RP2: variants seen among roughly 807,000 people sequenced by gnomAD.
RP2 encodes the protein RP2 activator of ARL3 GTPase.
A neutral mutation model predicts 20.3 loss-of-function variants in RP2; 3 were observed. The observed-to-expected ratio is 0.15, with a 90% confidence interval of 0.07 to 0.38. The LOEUF (loss-of-function observed/expected upper bound fraction) is 0.38, where lower values mean the gene tolerates loss of function less well. Ranked by LOEUF, RP2 falls within the 10% of genes least tolerant of loss-of-function variation. The pLI is 1.00. For synonymous variants in RP2, 75 were observed against 94.8 expected (o/e 0.79, Z 1.22); for missense variants, 233 against 268.5 (o/e 0.87, Z 0.92).
intron 3 of RP2, among the ~76,000 whole-genome samples, chrX:46,870,614 C>A (rs1412995449): frequency 2.7e-5 from 3 of 111,741 alleles, no homozygotes; most frequent in Non-Finnish European, 5.6e-5. Context: ...AAAAATACGG[C>A]ACTACCTAGA....
chrX:46,841,230 CAGTT>C (rs1320980554), intron 1 of RP2, among the ~76,000 whole-genome samples: 1 of 111,181 alleles, frequency 9.0e-6, no homozygotes, highest in Non-Finnish European at 1.9e-5. Context: ...AATTGTCAGA[CAGTT>C]AGGGTGGTAA....
chrX:46,840,080 C>T (rs1368574374), intron 1 of RP2, among the ~76,000 whole-genome samples: 6 of 112,063 alleles, frequency 5.4e-5, no homozygotes, highest in African/African-American at 1.3e-4. Context: ...TGGGTTCAAG[C>T]GATTCTCCAG....
chrX:46,837,332 G>A, intron 1 of RP2, 130 bp downstream of exon 1: 3 of 717,484 alleles, frequency 4.2e-6, no homozygotes, highest in Admixed American at 5.3e-5. Context: ...AGCTGAAGTC[G>A]GGGTGCACGA....
At chrX:46,845,477 T>C (rs1376827067) in intron 1 of RP2, among the ~76,000 whole-genome samples, 1 of 111,882 alleles carries the variant, frequency 8.9e-6, no homozygotes, top group African/African-American at 3.2e-5. Flanking sequence ...AATTTACCCT[T>C]GTTAAGTGTA....
At chrX:46,847,746 GTGTGTGTGTATATACACACA>G (rs1569531374) in intron 1 of RP2, among the ~76,000 whole-genome samples, 3 of 79,237 alleles carry the variant, frequency 3.8e-5, no homozygotes, top group Non-Finnish European at 6.8e-5. Context: ...ACACACATAT[GTGTGTGTGTATATACACACA>G]TGTGTGTGTG....
At chrX:46,865,044 AG>A (rs1443612658) in intron 3 of RP2, among the ~76,000 whole-genome samples, 1 of 112,505 alleles carries the variant, frequency 8.9e-6, no homozygotes, top group Non-Finnish European at 1.9e-5. Flanking sequence ...TTGCAAAGAT[AG>A]TACAGAAAGT....
At chrX:46,855,428 A>G (rs1924938791) in intron 2 of RP2, among the ~76,000 whole-genome samples, 1 of 111,065 alleles carries the variant, frequency 9.0e-6, no homozygotes, top group Non-Finnish European at 1.9e-5. Context: ...TTTAAAAACC[A>G]AACTTAAAGA....
chrX:46,875,600 T>G (rs782583566), intron 3 of RP2, among the ~76,000 whole-genome samples: 105 of 111,451 alleles, frequency 9.4e-4, no homozygotes, highest in Non-Finnish European at 1.7e-3. Context: ...CATGACTTTT[T>G]ATATATTAAT....
At chrX:46,841,944 T>C (rs907402095) in intron 1 of RP2, among the ~76,000 whole-genome samples, 11 of 112,132 alleles carry the variant, frequency 9.8e-5, no homozygotes, top group Non-Finnish European at 1.7e-4. Flanking sequence ...TGAGATGGAG[T>C]CTCACTCTGT....
chrX:46,844,293 A>G (rs1294589896), intron 1 of RP2, among the ~76,000 whole-genome samples: 2 of 109,333 alleles, frequency 1.8e-5, no homozygotes, highest in Admixed American at 9.8e-5. Flanking sequence ...CTTGTCATTT[A>G]CATTAGGTAT....
In RP2 at chrX:46,860,116, G is replaced by A; in HGVS notation, c.883+14G>A. The A allele has an allele frequency of 9.2e-7, 1 of 1,089,059 alleles. No homozygotes were observed. The highest frequency in any genetic ancestry group is 1.3e-6 in the Non-Finnish European group (1 of 784,168). The allele number at this position is 1,089,059 out of a possible 1,213,427, so 89.8% of individuals were successfully genotyped here. ...TTCTGAACAAAGGTACCTTCTGGAT[G>A]ATTGGTATACTTTTGTGGATATTTT... On this transcript the variant is annotated intron_variant, in intron 3 of 4. Transcript: ENST00000218340.
intron 3 of RP2, among the ~76,000 whole-genome samples, chrX:46,874,945 GGTT>G (rs1252832158): frequency 9.0e-6 from 1 of 110,855 alleles, no homozygotes; most frequent in Non-Finnish European, 1.9e-5. Context: ...GTATTTATGA[GGTT>G]GTTTAATTCG....
intron 1 of RP2, among the ~76,000 whole-genome samples, chrX:46,848,529 G>A (rs782454694): frequency 4.7e-5 from 5 of 106,797 alleles, no homozygotes; most frequent in African/African-American, 1.7e-4. Context: ...AATTACAGGC[G>A]CCCACCACCA....
At chrX:46,859,537 CATT>C (rs1442059560) in intron 2 of RP2, among the ~76,000 whole-genome samples, 1 of 107,175 alleles carries the variant, frequency 9.3e-6, no homozygotes, top group African/African-American at 3.4e-5. Context: ...GTAAAATTAA[CATT>C]ATTACATAAG....
At chrX:46,869,140 AGTTGCTTATGCCT>A (rs1359851347) in intron 3 of RP2, among the ~76,000 whole-genome samples, 3 of 109,882 alleles carry the variant, frequency 2.7e-5, no homozygotes, top group Non-Finnish European at 5.7e-5. Context: ...GTTTAGGCAC[AGTTGCTTATGCCT>A]GTAATCCCAG....
chrX:46,879,276 C>T (rs997606331), intron 4 of RP2, among the ~76,000 whole-genome samples: 8 of 109,171 alleles, frequency 7.3e-5, no homozygotes, highest in Admixed American at 5.9e-4. Flanking sequence ...AATAATATAT[C>T]TTTAGCAGCT....
rs1464000040 is a variant in RP2 at position 46,839,727 on chromosome X, C to T, written c.102+2525C>T. 2.7e-5 allele frequency among the ~76,000 whole-genome samples: 3 copies of T among 111,367 alleles called. No individual in the cohort carries two copies. In the East Asian group the frequency reaches 8.4e-4, roughly 31 times the overall value. ...CCTTAAAAGGAACAGATTGCAAATACAGCCCAGAGAACATAAATGAGATAT... is the reference window on the plus strand; with the variant it reads ...CCTTAAAAGGAACAGATTGCAAATATAGCCCAGAGAACATAAATGAGATAT... On this transcript the variant is annotated intron_variant, in intron 1 of 4. Coordinates refer to ENST00000218340, the MANE Select transcript of RP2 (RefSeq NM_006915.3).
At chrX:46,849,003 C>A (rs1275360775) in intron 1 of RP2, among the ~76,000 whole-genome samples, 1 of 108,276 alleles carries the variant, frequency 9.2e-6, no homozygotes, top group Non-Finnish European at 1.9e-5. Flanking sequence ...GCACTCCAAC[C>A]TGGGCAACAG....
At chrX:46,855,850 T>C (rs1465190198) in intron 2 of RP2, among the ~76,000 whole-genome samples, 1 of 111,602 alleles carries the variant, frequency 9.0e-6, no homozygotes, top group Non-Finnish European at 1.9e-5. Context: ...AGGAAAATAC[T>C]AAAAATGAAT....
Sources: allele counts gnomAD v4.1 joint callset (sites outside exome capture counted in the v4.1 genomes callset), GRCh38; gene constraint gnomAD v4.1.1; transcripts MANE v1.5; gene names NCBI Gene and HGNC (gene_info 2026-07-23, HGNC 2026-07-21).